Variants in ZZEF1 observed in about 807,000 individuals in gnomAD.
ZZEF1 encodes the protein zinc finger ZZ-type and EF-hand domain-containing protein 1.
In ZZEF1, 157 loss-of-function variants were observed where a neutral mutation model predicts 342.8. The observed-to-expected ratio is 0.46, with a 90% CI of 0.40 to 0.52. The LOEUF is 0.52. Among genes scored for constraint, ZZEF1 ranks in the 20% least tolerant of loss-of-function variants. The pLI, the probability that ZZEF1 is intolerant of heterozygous loss-of-function variation, is 0.00. For missense variants in ZZEF1, 3,480 were observed against 3,725.6 expected, an observed-to-expected ratio of 0.93 and a Z score of 1.72; for synonymous variants, 1,505 against 1,429.1, an observed-to-expected ratio of 1.05 and a Z score of -1.20.
At chr17:4,141,451 C>G (rs1029009147) in intron 1 of ZZEF1, among the ~76,000 whole-genome samples, 1 of 152,112 alleles carries the variant, frequency 6.6e-6, no homozygotes, top group African/African-American at 2.4e-5. Context: ...CTCATTTTCA[C>G]AAAATAAGTA....
intron 6 of ZZEF1, among the ~76,000 whole-genome samples, chr17:4,106,823 T>C (rs2058220528): frequency 6.6e-6 from 1 of 152,244 alleles, no homozygotes. Context: ...TGTGAATGTA[T>C]CAAAAGTAAC....
intron 12 of ZZEF1, 76 bp from the exon 13 acceptor site, chr17:4,088,969 T>G: frequency 4.4e-6 from 6 of 1,371,458 alleles, no homozygotes; most frequent in South Asian, 1.3e-5. Context: ...AAAAGGCCTT[T>G]CCGGGAAGGT....
chr17:4,042,066 C>T (rs947056161), intron 39 of ZZEF1, among the ~76,000 whole-genome samples: 2 of 152,212 alleles, frequency 1.3e-5, no homozygotes, highest in South Asian at 2.1e-4. Context: ...ATGGCTTCAA[C>T]TCATTTTCAA....
intron 1 of ZZEF1, among the ~76,000 whole-genome samples, chr17:4,139,812 T>A (rs150000333): frequency 1.4e-3 from 211 of 152,326 alleles, no homozygotes; most frequent in Admixed American, 2.8e-3. Context: ...CAAATATAAC[T>A]CAATGTTTTC....
At chr17:4,086,312 AGCG>A (rs879783167) in intron 15 of ZZEF1, among the ~76,000 whole-genome samples, 171 bp downstream of exon 15, 2,343 of 145,986 alleles carry the variant, frequency 0.016, 46 homozygotes, top group Admixed American at 0.031. Context: ...GGATTCCCAC[AGCG>A]GCAATCCCTT....
chr17:4,114,523 A>C, intron 3 of ZZEF1, 53 bp from the exon 4 acceptor site: 1 of 1,346,884 alleles, frequency 7.4e-7, no homozygotes, highest in East Asian at 2.7e-5. Context: ...AAAGGGAAAA[A>C]AAAGAGTCAT....
At position 4,085,675 on chromosome 17, in the gene ZZEF1, T is replaced by G; in HGVS notation, c.2641A>C (p.Met881Leu). The G allele has an allele frequency of 6.2e-7, 1 of 1,614,030 alleles. No homozygotes were observed. Among genetic ancestry groups the G allele is most frequent in the Non-Finnish European group, 8.5e-7 (1 of 1,179,964 alleles). Reference sequence around the variant, plus strand: ...AGACTTTTAGTAATAATTACCATCATGGTGAAGAGATGGTTCCGTCGGGTC... The same window carrying G: ...AGACTTTTAGTAATAATTACCATCAGGGTGAAGAGATGGTTCCGTCGGGTC... ...RQTRRNHLFT[M>L]MNVTEQEHKQ... The change falls in exon 16 of 55, where the codon ATG (methionine) becomes CTG (leucine). Residue 881 changes from methionine (M) to leucine (L), a missense_variant. This residue lies in a region of ZZEF1 where 1,528 missense variants were observed against 1,624.1 expected (regional missense o/e 0.94). Coordinates refer to ENST00000381638, the MANE Select transcript of ZZEF1 (RefSeq NM_015113.4).
intron 41 of ZZEF1, 41 bp from the exon 42 acceptor site, chr17:4,032,299 T>C: frequency 6.3e-7 from 1 of 1,595,424 alleles, no homozygotes; most frequent in Non-Finnish European, 8.5e-7. Context: ...AACTCAAACA[T>C]GGAGACAAGA....
At chr17:4,037,758 A>G (rs540855899) in intron 39 of ZZEF1, among the ~76,000 whole-genome samples, 2 of 151,928 alleles carry the variant, frequency 1.3e-5, no homozygotes, top group Non-Finnish European at 2.9e-5. Flanking sequence ...TAATTTTTCT[A>G]TTTTTTTGTA....
chr17:4,059,265 C>A lies in ZZEF1; in HGVS notation c.4909G>T (p.Gly1637Cys), dbSNP rs761124364. Reference protein sequence around the residue: ...TNYFGHLEGCGADLHKEIRDT... With the variant: ...TNYFGHLEGCCADLHKEIRDT... ...CGAATTTCTTTGTGTAGATCAGCAC[C>A]ACAGCCTTCCAGGTGTCCAAAATAA... is the stretch of plus-strand genomic sequence containing the variant. The change falls in exon 31 of 55, where the codon GGT becomes TGT. Residue 1637 changes from glycine to cysteine, a missense_variant. Coordinates refer to ENST00000381638, the MANE Select transcript of ZZEF1 (RefSeq NM_015113.4). 6.5e-7 allele frequency: 1 copy of A among 1,542,482 alleles called. No individual in the cohort carries two copies. The highest frequency in any genetic ancestry group is 8.7e-7 in the Non-Finnish European group (1 of 1,146,386).
intron 8 of ZZEF1, 84 bp from the exon 9 acceptor site, chr17:4,102,499 C>A: frequency 2.6e-6 from 3 of 1,170,954 alleles, no homozygotes; most frequent in Non-Finnish European, 3.8e-6. Flanking sequence ...AAATAGAGTC[C>A]TGTGGCTACC....
chr17:4,127,325 G>A (rs1255823849), intron 1 of ZZEF1, among the ~76,000 whole-genome samples: 1 of 152,098 alleles, frequency 6.6e-6, no homozygotes, highest in Non-Finnish European at 1.5e-5. Flanking sequence ...AGGAGAAACT[G>A]GACTTTGTGT....
Position 4,009,641 on chromosome 17 carries a change from A to T in ZZEF1, c.8696T>A (p.Leu2899His). 6.2e-7 allele frequency: 1 copy of T among 1,613,956 alleles called. No homozygotes were observed. The highest frequency in any genetic ancestry group is 8.5e-7 in the Non-Finnish European group (1 of 1,180,030). ...CTCGGTGACGAAGAAGAGCTCAGTG[A>T]GGGCACGATGCAGGGGAAGGAGGAT... ...PGILLPLHRALTELFFVTENR... is the reference protein window; with the variant it reads ...PGILLPLHRAHTELFFVTENR... Residue 2899 changes from leucine (L) to histidine (H), a missense_variant, in exon 53 of 55, where the codon CTC (leucine) becomes CAC (histidine). Around this residue, in one of 5 missense-constraint regions of ZZEF1, gnomAD observed 1,269 missense variants for 1,342.4 expected, o/e 0.95. Coordinates refer to ENST00000381638, the MANE Select transcript of ZZEF1 (RefSeq NM_015113.4).
rs1301581167 is a variant in ZZEF1 at position 4,054,164 on chromosome 17, A to G, written c.5327T>C (p.Leu1776Pro). ...MHMFIARYCD[L>P]LNVDISCDGC... is the part of the protein sequence containing the mutation. ...ATCACAAGAGATGTCCACATTTAAC[A>G]GGTCACAGTAGCGAGCAATGAACAT... The change falls in exon 34 of 55, where the codon CTG becomes CCG. Residue 1776 changes from leucine (L) to proline (P), a missense_variant. Physicochemically the swap from Leu to Pro is moderately conservative, Grantham distance 98 (BLOSUM62 -3). Around this residue, in one of 5 missense-constraint regions of ZZEF1, gnomAD observed 175 missense variants for 254.6 expected, o/e 0.69. Coordinates refer to ENST00000381638, the MANE Select transcript of ZZEF1 (RefSeq NM_015113.4). The G allele has an allele frequency of 6.2e-7, 1 of 1,613,734 alleles. No individual in the cohort carries two copies. Among genetic ancestry groups the G allele is most frequent in the African/African-American group, 1.3e-5 (1 of 74,926 alleles).
At chr17:4,020,217 C>A (rs1005815199) in intron 45 of ZZEF1, among the ~76,000 whole-genome samples, 1 of 152,128 alleles carries the variant, frequency 6.6e-6, no homozygotes, top group Non-Finnish European at 1.5e-5. Flanking sequence ...CCACTGAGTA[C>A]CCAAAAGCGT....
At chr17:4,072,892 T>C (rs961919426) in intron 24 of ZZEF1, 136 bp from the exon 25 acceptor site, 16 of 865,442 alleles carry the variant, frequency 1.8e-5, no homozygotes, top group Admixed American at 3.0e-5. Context: ...CATACCAGAA[T>C]GTAATTGTGA....
rs2057739806 is a variant in ZZEF1, at chr17:4,082,360, A to G, written c.2714+77T>C. 4.1e-6 allele frequency: 6 copies of G among 1,458,828 alleles called. No homozygotes were observed. The East Asian group carries it at 1.4e-4, about 35-fold the overall frequency. 90.4% of individuals were successfully genotyped at this position (1,458,828 alleles called of 1,614,324 possible). ...GGAAGTACTACTTCGAAGGCACATG[A>G]AAGGAAGGGCAAGCTCAAGAAAACA... is the stretch of plus-strand genomic sequence containing the variant. On this transcript the variant is annotated intron_variant, in intron 17 of 54. Transcript: ENST00000381638.
At chr17:4,079,433 G>C (rs1426327321) in intron 18 of ZZEF1, among the ~76,000 whole-genome samples, 1 of 152,206 alleles carries the variant, frequency 6.6e-6, no homozygotes, top group Non-Finnish European at 1.5e-5. Context: ...TAAGGATGGA[G>C]ATTCGAATGA....
In ZZEF1 at chr17:4,085,561, T is replaced by C. The variant is rs2057802925; in HGVS notation, c.2646+109A>G. The stretch of plus-strand genomic sequence containing the variant: ...CACAAAGCTCTGCATATAATATTAA[T>C]ACACATCTGGGACGTTGCAACAGAC... On this transcript the variant is annotated intron_variant, in intron 16 of 54. Transcript: ENST00000381638. 2.9e-6 allele frequency: 4 copies of C among 1,357,978 alleles called. No homozygotes were observed. The Admixed American group carries it at 6.2e-5, about 21-fold the overall frequency. The allele number at this position is 1,357,978 out of a possible 1,614,324, so 84.1% of individuals were successfully genotyped here. A position where few individuals can be genotyped will look rare whatever the true frequency, so the allele number is the denominator to read the frequency against.
Sources: allele counts gnomAD v4.1 joint callset (sites outside exome capture counted in the v4.1 genomes callset), GRCh38; gene constraint gnomAD v4.1.1; regional missense constraint gnomAD v4.1.1; transcripts MANE v1.5; gene names NCBI Gene and HGNC (gene_info 2026-07-23, HGNC 2026-07-21).